The following PPIC variants were observed in gnomAD, a reference collection of about 807,000 sequenced individuals.
PPIC encodes the protein peptidylprolyl isomerase C.
Under a neutral mutation model 19.5 loss-of-function variants are expected in PPIC, and 19 were observed. The ratio of observed to expected loss-of-function variants is 0.98; its 90% CI spans 0.68 to 1.43. The LOEUF is 1.43. PPIC is among the 40% of genes most tolerant of loss of function. The pLI, the probability that PPIC is intolerant of heterozygous loss-of-function variation, is 0.00. For synonymous variants in PPIC, 107 were observed against 101.2 expected, an observed-to-expected ratio of 1.06 and a Z score of -0.34; for missense variants, 268 against 268.6, an observed-to-expected ratio of 1.00 and a Z score of 0.02.
At chr5:123,025,299 C>G (rs407392) in intron 4 of PPIC, among the ~76,000 whole-genome samples, 1 of 152,024 alleles carries the variant, frequency 6.6e-6, no homozygotes, top group Non-Finnish European at 1.5e-5. Flanking sequence ...TTAAATACAA[C>G]ATCCCATTTA....
rs989784136 is a variant in PPIC, at chr5:123,036,403, G to A, written c.117+106C>T. On this transcript the variant is annotated intron_variant, in intron 1 of 4. Coordinates refer to ENST00000306442, the MANE Select transcript of PPIC (RefSeq NM_000943.5). The surrounding 1 kb of genome is among the most constrained non-coding windows in gnomAD (Gnocchi z 4.5). The stretch of plus-strand genomic sequence containing the variant: ...GGCCGCCTCCAGTCCCCCTGCGCCC[G>A]GGAAGCCTCCACCTCGCCCGCCCTG... 6.8e-6 allele frequency: 7 copies of A among 1,031,948 alleles called. No homozygotes were observed. The highest frequency in any genetic ancestry group is 6.4e-5 in the African/African-American group (4 of 62,626). 63.9% of individuals were successfully genotyped at this position (1,031,948 alleles called of 1,614,324 possible). A position where few individuals can be genotyped will look rare whatever the true frequency, so the allele number is the denominator to read the frequency against.
In PPIC at chr5:123,036,320, T is replaced by C. The variant is rs1161449523; in HGVS notation, c.117+189A>G. ...TGGCCTCAGCCCAGCTCCCCCAGGG[T>C]CTCCCCCGGAGCGCCGGCCTCCCAG... On this transcript the variant is annotated intron_variant, in intron 1 of 4. Transcript: ENST00000306442. The surrounding 1 kb of genome is among the most constrained non-coding windows in gnomAD (Gnocchi z 4.5). 5.0e-6 allele frequency: 3 copies of C among 597,116 alleles called. No homozygotes were observed. The highest frequency in any genetic ancestry group is 8.9e-6 in the Non-Finnish European group (3 of 338,560). 37.0% of individuals were successfully genotyped at this position (597,116 alleles called of 1,614,324 possible).
At chr5:123,031,890 A>G (rs962483232) in intron 1 of PPIC, among the ~76,000 whole-genome samples, 3 of 152,160 alleles carry the variant, frequency 2.0e-5, no homozygotes, top group Non-Finnish European at 4.4e-5. Context: ...CCTGCCTCCC[A>G]GGTTCAAGTG....
In PPIC at chr5:123,030,474, G is replaced by A. The variant is rs533158663; in HGVS notation, c.118-1056C>T. On this transcript the variant is annotated intron_variant, in intron 1 of 4. Transcript: ENST00000306442. ...ATAAGAACGGTTGTCAAAGAAAAAA[G>A]ATGTCTTACAGTTTAGAAAAATCAG... Among the ~76,000 whole-genome samples, 5 of 152,300 alleles carry A rather than the reference G, an allele frequency of 3.3e-5. No individual in the cohort carries two copies. In the East Asian group the frequency reaches 9.6e-4, roughly 29 times the overall value.
At chr5:123,033,493 A>G (rs1462051145) in intron 1 of PPIC, among the ~76,000 whole-genome samples, 1 of 151,988 alleles carries the variant, frequency 6.6e-6, no homozygotes, top group Non-Finnish European at 1.5e-5. Flanking sequence ...GCTCCCTATC[A>G]CCTTCCGCCG....
intron 3 of PPIC, among the ~76,000 whole-genome samples, chr5:123,027,066 C>T (rs558520096): frequency 6.6e-4 from 100 of 152,084 alleles, no homozygotes; most frequent in South Asian, 1.2e-3. Flanking sequence ...TGGTGGCGGG[C>T]GCCTGCAATC....
At position 123,036,369 on chromosome 5, in the gene PPIC, C is replaced by A; in HGVS notation, c.117+140G>T. Reference sequence around the variant, plus strand: ...AGCACGCGAGCAGCCCCCTCCCACCCAGTCCCGCGGCCGCCTCCAGTCCCC... The same window carrying A: ...AGCACGCGAGCAGCCCCCTCCCACCAAGTCCCGCGGCCGCCTCCAGTCCCC... On this transcript the variant is annotated intron_variant, in intron 1 of 4. Transcript: ENST00000306442. This position sits in a 1 kb window ranked among gnomAD's most constrained non-coding sequence, Gnocchi z 4.5. 1.3e-6 allele frequency: 1 copy of A among 765,132 alleles called. No individual in the cohort carries two copies. Among genetic ancestry groups the A allele is most frequent in the East Asian group, 2.7e-5 (1 of 36,906 alleles). 47.4% of individuals were successfully genotyped at this position (765,132 alleles called of 1,614,324 possible). A position where few individuals can be genotyped will look rare whatever the true frequency, so the allele number is the denominator to read the frequency against.
intron 1 of PPIC, among the ~76,000 whole-genome samples, chr5:123,033,319 G>T (rs35128692): frequency 0.34 from 52,006 of 152,042 alleles, 9,278 homozygotes; most frequent in African/African-American, 0.38. Flanking sequence ...GGGGCCTAAT[G>T]CGAGGTGTTT....
At chr5:123,033,809 A>G (rs1021122217) in intron 1 of PPIC, among the ~76,000 whole-genome samples, 4 of 152,234 alleles carry the variant, frequency 2.6e-5, no homozygotes, top group African/African-American at 9.7e-5. Context: ...TGTGCTTGCA[A>G]GCTGTAATAT....
Position 123,028,754 on chromosome 5 carries a change from G to A in PPIC, c.325+21C>T, listed in dbSNP as rs781756360. The stretch of plus-strand genomic sequence containing the variant: ...AGATTTCGGTTTGGTAAATGGGAAA[G>A]GAAAAATGCAAAGACGTTACCCCCA... On this transcript the variant is annotated intron_variant, in intron 3 of 4. Coordinates refer to ENST00000306442, the MANE Select transcript of PPIC (RefSeq NM_000943.5). 6 of 1,588,262 alleles carry A rather than the reference G, an allele frequency of 3.8e-6. No homozygotes were observed. In the African/African-American group the frequency reaches 8.1e-5, roughly 21 times the overall value.
chr5:123,028,685 G>T, intron 3 of PPIC, 90 bp downstream of exon 3: 1 of 1,044,890 alleles, frequency 9.6e-7, no homozygotes, highest in Non-Finnish European at 1.4e-6. Context: ...GTGTTCCTTA[G>T]CTCTGGATTT....
Position 123,025,797 on chromosome 5 carries a change from A to C in PPIC, c.497T>G (p.Val166Gly). 1.9e-6 allele frequency: 3 copies of C among 1,613,038 alleles called. No individual in the cohort carries two copies. The highest frequency in any genetic ancestry group is 2.5e-6 in the Non-Finnish European group (3 of 1,179,816). The change falls in exon 4 of 5, where the codon GTC becomes GGC. Residue 166 changes from valine to glycine, a missense_variant. By Grantham distance (109) the Val-to-Gly change is moderately radical. Coordinates refer to ENST00000306442, the MANE Select transcript of PPIC (RefSeq NM_000943.5). ...LDGKHVVFGK[V>G]IDGMTVVHSI... The stretch of plus-strand genomic sequence containing the variant: ...GTATCAATTTACCATCCCATCAATG[A>C]CTTTTCCAAACACCACATGTTTGCC...
In PPIC at chr5:123,036,395, C is replaced by T; in HGVS notation, c.117+114G>A. On this transcript the variant is annotated intron_variant, in intron 1 of 4. Coordinates refer to ENST00000306442, the MANE Select transcript of PPIC (RefSeq NM_000943.5). This position sits in a 1 kb window ranked among gnomAD's most constrained non-coding sequence, Gnocchi z 4.5. ...AGTCCCGCGGCCGCCTCCAGTCCCC[C>T]TGCGCCCGGGAAGCCTCCACCTCGC... 1.0e-6 allele frequency: 1 copy of T among 1,002,960 alleles called. No homozygotes were observed. The allele number at this position is 1,002,960 out of a possible 1,614,324, so 62.1% of individuals were successfully genotyped here. A position where few individuals can be genotyped will look rare whatever the true frequency, so the allele number is the denominator to read the frequency against.
At chr5:123,035,139 G>A (rs1008688945) in intron 1 of PPIC, among the ~76,000 whole-genome samples, 1 of 152,156 alleles carries the variant, frequency 6.6e-6, no homozygotes. Context: ...CACATCCTCT[G>A]AATGCAGGGA....
At chr5:123,027,487 G>T (rs1479746821) in intron 3 of PPIC, among the ~76,000 whole-genome samples, 1 of 152,182 alleles carries the variant, frequency 6.6e-6, no homozygotes, top group East Asian at 1.9e-4. Flanking sequence ...CCAGCACCGA[G>T]GGCACGGGCA....
At chr5:123,035,299 AT>A (rs1200186395) in intron 1 of PPIC, among the ~76,000 whole-genome samples, 1 of 152,184 alleles carries the variant, frequency 6.6e-6, no homozygotes, top group Non-Finnish European at 1.5e-5. Context: ...AATTGTGCGA[AT>A]TTTATGTTTA....
chr5:123,035,582 C>A (rs531390064), intron 1 of PPIC, among the ~76,000 whole-genome samples: 1 of 152,166 alleles, frequency 6.6e-6, no homozygotes, highest in Admixed American at 6.5e-5. Context: ...TGATTAGTAT[C>A]GTTTCCATTG....
intron 1 of PPIC, among the ~76,000 whole-genome samples, chr5:123,032,418 G>A (rs557292111): frequency 6.6e-6 from 1 of 152,336 alleles, no homozygotes; most frequent in South Asian, 2.1e-4. Flanking sequence ...ACCCTAAGGA[G>A]TAGAAACAGT....
chr5:123,023,837 C>T lies in PPIC; in HGVS notation c.*38G>A. On this transcript the variant is annotated 3_prime_UTR_variant, in exon 5 of 5. Coordinates refer to ENST00000306442, the MANE Select transcript of PPIC (RefSeq NM_000943.5). ...ACACACACACACACACACACACACA[C>T]CCCTGCCAAAGCATATCCTTGTTTT... The T allele has an allele frequency of 6.3e-7, 1 of 1,592,304 alleles. No individual in the cohort carries two copies. The highest frequency in any genetic ancestry group is 8.6e-7 in the Non-Finnish European group (1 of 1,165,682).
Sources: allele counts gnomAD v4.1 joint callset (sites outside exome capture counted in the v4.1 genomes callset), GRCh38; gene constraint gnomAD v4.1.1; non-coding constraint Gnocchi (gnomAD v3.1); transcripts MANE v1.5; gene names NCBI Gene and HGNC (gene_info 2026-07-23, HGNC 2026-07-21).